NRXN1: variants seen among roughly 807,000 people sequenced by gnomAD.
The protein encoded by NRXN1 is neurexin-1.
NRXN1 carries 39 observed loss-of-function variants against 150.9 expected under a neutral mutation model. The ratio of observed to expected loss-of-function variants is 0.26; its 90% CI spans 0.20 to 0.34. NRXN1 has a LOEUF of 0.34. Among genes scored for constraint, NRXN1 ranks in the 10% least tolerant of loss-of-function variants. The probability of loss-of-function intolerance (pLI) is 1.00; values close to 1 mark genes in which losing one functional copy is unlikely to be tolerated. For missense variants in NRXN1, 1,815 were observed against 1,949.9 expected, an observed-to-expected ratio of 0.93 and a Z score of 1.30; for synonymous variants, 924 against 757.0, an observed-to-expected ratio of 1.22 and a Z score of -3.62.
At chr2:50,407,056 G>T (rs1292502063) in intron 17 of NRXN1, among the ~76,000 whole-genome samples, 1 of 152,102 alleles carries the variant, frequency 6.6e-6, no homozygotes, top group Non-Finnish European at 1.5e-5. Flanking sequence ...ACAGACTCAT[G>T]ATAAACTTAT....
chr2:50,575,853 G>A (rs1296459359), intron 8 of NRXN1, among the ~76,000 whole-genome samples: 2 of 152,084 alleles, frequency 1.3e-5, no homozygotes, highest in Non-Finnish European at 2.9e-5. Context: ...TTCTTTGGAG[G>A]CAAAGCATGA....
At chr2:50,153,136 A>G (rs2058793699) in intron 18 of NRXN1, among the ~76,000 whole-genome samples, 1 of 150,722 alleles carries the variant, frequency 6.6e-6, no homozygotes, top group Non-Finnish European at 1.5e-5. Flanking sequence ...CCTCTAGTAA[A>G]TTTTTCATGT....
At chr2:50,605,141 T>A (rs1280230210) in intron 8 of NRXN1, among the ~76,000 whole-genome samples, 1 of 152,228 alleles carries the variant, frequency 6.6e-6, no homozygotes, top group Admixed American at 6.5e-5. Context: ...TAATTGAGTA[T>A]GTGTTTATCT....
chr2:50,118,279 C>T (rs928182885), intron 18 of NRXN1, among the ~76,000 whole-genome samples: 3 of 152,112 alleles, frequency 2.0e-5, no homozygotes, highest in Non-Finnish European at 2.9e-5. Flanking sequence ...GTCTGCATTC[C>T]TCACAAGCTC....
At chr2:50,462,426 A>G (rs1049435929) in intron 17 of NRXN1, among the ~76,000 whole-genome samples, 1 of 151,834 alleles carries the variant, frequency 6.6e-6, no homozygotes, top group African/African-American at 2.4e-5. Context: ...ACTGGCAGAG[A>G]GGCACAGAAT....
At chr2:50,775,772 C>T (rs60088848) in intron 5 of NRXN1, among the ~76,000 whole-genome samples, 1,826 of 152,180 alleles carry the variant, frequency 0.012, 42 homozygotes, top group African/African-American at 0.042. Flanking sequence ...CATTGATATG[C>T]TGGTACTTTT....
intron 18 of NRXN1, among the ~76,000 whole-genome samples, chr2:50,096,439 T>C (rs1700232783): frequency 6.6e-6 from 1 of 152,184 alleles, no homozygotes; most frequent in Admixed American, 6.5e-5. Flanking sequence ...AATGCGTAAT[T>C]ACAATTTAAA....
chr2:50,593,762 CAT>C (rs1246298737), intron 8 of NRXN1, among the ~76,000 whole-genome samples: 2 of 152,136 alleles, frequency 1.3e-5, no homozygotes, highest in Non-Finnish European at 2.9e-5. Flanking sequence ...TTAAATGGCA[CAT>C]GATAGTTGTT....
At chr2:50,254,490 CTTCTAGTTGTGATGTTAGGGTGTCAAT>C (rs1285051714) in intron 17 of NRXN1, among the ~76,000 whole-genome samples, 4 of 151,202 alleles carry the variant, frequency 2.6e-5, no homozygotes, top group African/African-American at 9.8e-5. Context: ...TTCTTTAGTT[CTTCTAGTTGTGATGTTAGGGTGTCAAT>C]TTGAGCTCTT....
intron 17 of NRXN1, among the ~76,000 whole-genome samples, chr2:50,275,074 C>G (rs77632746): frequency 6.6e-6 from 1 of 152,134 alleles, no homozygotes; most frequent in African/African-American, 2.4e-5. Context: ...CCAAGAATAT[C>G]ATCACTCCAT....
intron 17 of NRXN1, among the ~76,000 whole-genome samples, chr2:50,388,097 G>C (rs1039838061): frequency 6.6e-6 from 1 of 152,130 alleles, no homozygotes; most frequent in Non-Finnish European, 1.5e-5. Context: ...GGTACATGCT[G>C]AGTAAACCAT....
At chr2:50,281,014 T>C (rs1294633564) in intron 17 of NRXN1, among the ~76,000 whole-genome samples, 1 of 151,740 alleles carries the variant, frequency 6.6e-6, no homozygotes, top group Non-Finnish European at 1.5e-5. Flanking sequence ...TATTAAAAAA[T>C]CCATAATAGG....
chr2:50,915,442 T>C (rs902816382), intron 5 of NRXN1, among the ~76,000 whole-genome samples: 7 of 151,660 alleles, frequency 4.6e-5, no homozygotes, highest in African/African-American at 1.7e-4. Context: ...AATGATTTCC[T>C]AGGGTTGCTC....
chr2:50,232,592 G>T (rs6750711), intron 18 of NRXN1, among the ~76,000 whole-genome samples: 331 of 151,752 alleles, frequency 2.2e-3, no homozygotes, highest in Non-Finnish European at 3.5e-3. Context: ...TCACCTTGTT[G>T]GCTAGCATAG....
In NRXN1 at chr2:50,283,921, G is replaced by A. The variant is rs1319641281; in HGVS notation, c.3365-46951C>T. Among the ~76,000 whole-genome samples, 4 of 152,044 alleles carry A rather than the reference G, an allele frequency of 2.6e-5. 1 individual carries two copies. Among genetic ancestry groups the A allele is most frequent in the Admixed American group, 2.0e-4 (3 of 15,244 alleles). ...ATGCCAAAACAAAACAAAACAAAAC[G>A]TAAAACATCTTTCTCTCTCTCCTTC... On this transcript the variant is annotated intron_variant, in intron 17 of 22. Transcript: ENST00000401669.
Position 51,027,535 on chromosome 2 carries a change from G to C in NRXN1, c.739C>G (p.Arg247Gly), listed in dbSNP as rs200009780. Residue 247 changes from arginine (R) to glycine (G), a missense_variant, in exon 2 of 23, where the codon CGA becomes GGA. By Grantham distance (125) the Arg-to-Gly change is moderately radical (BLOSUM62 -2). This residue lies in a region of NRXN1 where 554 missense variants were observed against 478.8 expected (regional missense o/e 1.16). Coordinates refer to ENST00000401669, the MANE Select transcript of NRXN1 (RefSeq NM_001330078.2). The stretch of plus-strand genomic sequence containing the variant: ...CAGTCCTTGCCGCGGAAGCCGGTTC[G>C]CGAGCAGTCGCACACGGCCTGGTCG... Reference protein sequence around the residue: ...VDDQAVCDCSRTGFRGKDCSQ... With the variant: ...VDDQAVCDCSGTGFRGKDCSQ... 148 of 1,561,120 alleles carry C rather than the reference G, an allele frequency of 9.5e-5. 1 individual carries two copies. The South Asian group carries it at 1.2e-3, about 13-fold the overall frequency.
At chr2:50,952,020 G>A (rs1691451262) in intron 2 of NRXN1, among the ~76,000 whole-genome samples, 1 of 136,006 alleles carries the variant, frequency 7.4e-6, no homozygotes, top group South Asian at 2.2e-4. Flanking sequence ...AGGCTGGAGT[G>A]CAGTGGCGGG....
chr2:50,538,220 A>C (rs1346058349), intron 10 of NRXN1, 33 bp downstream of exon 10: 5 of 1,587,540 alleles, frequency 3.1e-6, no homozygotes, highest in Middle Eastern at 1.7e-4. Flanking sequence ...TTTTCATCTC[A>C]GGGAGTTGGC....
At chr2:50,713,763 T>C (rs1238969977) in intron 5 of NRXN1, among the ~76,000 whole-genome samples, 2 of 152,304 alleles carry the variant, frequency 1.3e-5, no homozygotes, top group African/African-American at 4.8e-5. Flanking sequence ...CTTATGTCAA[T>C]TTAAAGACCT....
Sources: gnomAD v4.1 joint callset for allele counts (sites outside exome capture counted in the v4.1 genomes callset) on GRCh38, gnomAD v4.1.1 for gene constraint, gnomAD v4.1.1 regional missense constraint, MANE v1.5 for transcripts, NCBI Gene and HGNC (gene_info 2026-07-23, HGNC 2026-07-21) for gene names.